Variants in PTPN4 observed in about 807,000 individuals in gnomAD.
PTPN4 encodes the protein tyrosine-protein phosphatase non-receptor type 4.
Under a neutral mutation model 135.5 loss-of-function variants are expected in PTPN4, and 49 were observed. The observed-to-expected ratio is 0.36, with a 90% CI of 0.29 to 0.46. PTPN4 has a LOEUF of 0.46. PTPN4 is among the 20% of genes least tolerant of loss of function. PTPN4 has a pLI of 1.00. For missense variants in PTPN4, 860 were observed against 1,101.0 expected, an observed-to-expected ratio of 0.78 and a Z score of 3.10; for synonymous variants, 333 against 369.9, an observed-to-expected ratio of 0.90 and a Z score of 1.14.
chr2:119,967,927 T>C lies in PTPN4; in HGVS notation c.2649T>C (p.Ile883=). Residue 883 remains isoleucine, a synonymous_variant, in exon 26 of 27, where the codon ATT becomes ATC. Transcript: ENST00000263708. ...ATCAGCCAGTTTATCCACTAGATAT[T>C]GTAAGAACAATGAGAGATCAGCGAG... ...ECNQPVYPLD[I]VRTMRDQRAM... The C allele has an allele frequency of 2.5e-6, 4 of 1,610,706 alleles. No homozygotes were observed. The South Asian group carries it at 3.3e-5, about 13-fold the overall frequency.
chr2:119,959,950 ACAT>A (rs1487293833), intron 22 of PTPN4, among the ~76,000 whole-genome samples: 4 of 152,184 alleles, frequency 2.6e-5, no homozygotes, highest in Non-Finnish European at 5.9e-5. Context: ...TACTCATCAA[ACAT>A]CATCTTGAAG....
chr2:119,870,037 C>T (rs534365907), intron 3 of PTPN4, among the ~76,000 whole-genome samples: 2 of 152,304 alleles, frequency 1.3e-5, no homozygotes, highest in East Asian at 3.9e-4. Flanking sequence ...ATACAGTTCC[C>T]TGCAGAATAA....
At chr2:119,807,798 C>G (rs924671999) in intron 1 of PTPN4, among the ~76,000 whole-genome samples, 1 of 152,160 alleles carries the variant, frequency 6.6e-6, no homozygotes, top group African/African-American at 2.4e-5. Flanking sequence ...ACCAATATCC[C>G]TGATGAACAT....
At chr2:119,779,401 AG>A (rs1413070196) in intron 1 of PTPN4, among the ~76,000 whole-genome samples, 5 of 152,120 alleles carry the variant, frequency 3.3e-5, no homozygotes, top group Non-Finnish European at 7.4e-5. Context: ...GCGTATCACG[AG>A]GTTAGGAGAT....
intron 1 of PTPN4, among the ~76,000 whole-genome samples, chr2:119,795,592 C>A (rs1691240311): frequency 6.6e-6 from 1 of 152,238 alleles, no homozygotes; most frequent in Admixed American, 6.5e-5. Context: ...CTGGCGTTGA[C>A]AACAGGGAGA....
chr2:119,907,001 G>A (rs1678499291), intron 10 of PTPN4, among the ~76,000 whole-genome samples: 1 of 152,124 alleles, frequency 6.6e-6, no homozygotes, highest in Admixed American at 6.5e-5. Context: ...CATCTGTTAC[G>A]TTTCTGTACA....
intron 11 of PTPN4, chr2:119,916,587 A>G (rs181017756): frequency 2.6e-5 from 4 of 152,296 alleles, no homozygotes; most frequent in East Asian, 3.9e-4. Context: ...GATATGTAGT[A>G]TATGTACCGC....
intron 15 of PTPN4, among the ~76,000 whole-genome samples, chr2:119,940,541 A>G (rs758303588): frequency 6.6e-6 from 1 of 152,098 alleles, no homozygotes; most frequent in African/African-American, 2.4e-5. Flanking sequence ...CCACAGCCTC[A>G]AACTACTGTT....
chr2:119,853,873 A>C (rs1004334265), intron 2 of PTPN4, among the ~76,000 whole-genome samples: 1 of 152,128 alleles, frequency 6.6e-6, no homozygotes, highest in African/African-American at 2.4e-5. Flanking sequence ...CCTTTGTCTC[A>C]GACCGATTAG....
chr2:119,851,475 G>C (rs1157937798), intron 2 of PTPN4, among the ~76,000 whole-genome samples: 1 of 152,174 alleles, frequency 6.6e-6, no homozygotes, highest in Non-Finnish European at 1.5e-5. Context: ...AGGACTTCTG[G>C]CATCTTGGAA....
At chr2:119,931,959 C>G (rs1476231100) in intron 13 of PTPN4, among the ~76,000 whole-genome samples, 1 of 152,018 alleles carries the variant, frequency 6.6e-6, no homozygotes, top group Non-Finnish European at 1.5e-5. Flanking sequence ...TATTTTTGTT[C>G]TGTCTTCATT....
chr2:119,943,218 A>G (rs947053593), intron 15 of PTPN4, among the ~76,000 whole-genome samples: 1 of 152,192 alleles, frequency 6.6e-6, no homozygotes, highest in African/African-American at 2.4e-5. Flanking sequence ...CTTCCTTGGC[A>G]CTGATCATAC....
At position 119,869,602 on chromosome 2, in the gene PTPN4, C is replaced by T. The variant is rs1677880251; in HGVS notation, c.246+6959C>T. ...CCCATTCCTAAACTCTGTCCTCTGA[C>T]ACCTCAAGTTAGTAAGGATGTCCTC... On this transcript the variant is annotated intron_variant, in intron 3 of 26. Transcript: ENST00000263708. Among the ~76,000 whole-genome samples, 4 of 152,250 alleles carry T rather than the reference C, an allele frequency of 2.6e-5. No individual in the cohort carries two copies. In the South Asian group the frequency reaches 8.3e-4, roughly 32 times the overall value.
chr2:119,977,916 A>G lies in PTPN4; in HGVS notation c.*846A>G, dbSNP rs1679641366. The G allele has an allele frequency of 6.6e-6, 1 of 152,178 alleles. No homozygotes were observed. Among genetic ancestry groups the G allele is most frequent in the South Asian group, 2.1e-4 (1 of 4,830 alleles). 9.4% of individuals were successfully genotyped at this position (152,178 alleles called of 1,614,324 possible). On this transcript the variant is annotated 3_prime_UTR_variant, in exon 27 of 27. Transcript: ENST00000263708. ...GTATATTGTACATTCGTATATTTTT[A>G]TGCATTTTGAATAAGTTCACATTTT...
At chr2:119,893,800 T>TAA (rs1328953180) in intron 9 of PTPN4, among the ~76,000 whole-genome samples, 1 of 151,664 alleles carries the variant, frequency 6.6e-6, no homozygotes, top group African/African-American at 2.4e-5. Flanking sequence ...TTAGGTCAAA[T>TAA]AAAATGAGGA....
intron 2 of PTPN4, among the ~76,000 whole-genome samples, chr2:119,836,815 G>A (rs565051172): frequency 2.6e-5 from 4 of 152,298 alleles, no homozygotes; most frequent in South Asian, 2.1e-4. Context: ...GTGTGTGTGC[G>A]CAGGGTGGTG....
intron 2 of PTPN4, among the ~76,000 whole-genome samples, chr2:119,812,564 G>A (rs867914096): frequency 9.2e-5 from 14 of 152,228 alleles, no homozygotes; most frequent in Middle Eastern, 3.4e-3. Context: ...TCTCTGCTGT[G>A]GACATAGGAA....
chr2:119,813,410 G>A (rs1344117512), intron 2 of PTPN4, among the ~76,000 whole-genome samples: 1 of 151,974 alleles, frequency 6.6e-6, no homozygotes, highest in African/African-American at 2.4e-5. Flanking sequence ...ACCATGCCTG[G>A]TTAATTTTGT....
chr2:119,785,144 C>G (rs1691024479), intron 1 of PTPN4, among the ~76,000 whole-genome samples: 1 of 152,160 alleles, frequency 6.6e-6, no homozygotes, highest in Admixed American at 6.5e-5. Context: ...GCACTTTACC[C>G]TTCAATTGTG....
Sources: allele counts gnomAD v4.1 joint callset (sites outside exome capture counted in the v4.1 genomes callset), GRCh38; gene constraint gnomAD v4.1.1; transcripts MANE v1.5; gene names NCBI Gene and HGNC (gene_info 2026-07-23, HGNC 2026-07-21).